Variants in NALF1 observed in about 807,000 individuals in gnomAD.
The protein encoded by NALF1 is family with sequence similarity 155 member A.
Under a neutral mutation model 48.4 loss-of-function variants are expected in NALF1, and 3 were observed. That is an observed-to-expected ratio of 0.06 (90% confidence interval 0.03 to 0.16). The LOEUF (loss-of-function observed/expected upper bound fraction) is 0.16. Ranked by LOEUF, NALF1 falls within the 10% of genes least tolerant of loss-of-function variation. The pLI is 1.00. For synonymous variants in NALF1, 262 were observed against 245.7 expected, an observed-to-expected ratio of 1.07 and a Z score of -0.62; for missense variants, 526 against 571.5, an observed-to-expected ratio of 0.92 and a Z score of 0.81.
At chr13:107,352,553 TCTC>T (rs1221672590) in intron 1 of NALF1, among the ~76,000 whole-genome samples, 1 of 152,088 alleles carries the variant, frequency 6.6e-6, no homozygotes, top group East Asian at 1.9e-4. Flanking sequence ...GGTGCCAACT[TCTC>T]CTTGTGCTCT....
chr13:107,237,135 A>T (rs1880369742), intron 1 of NALF1, among the ~76,000 whole-genome samples: 1 of 151,694 alleles, frequency 6.6e-6, no homozygotes. Flanking sequence ...ATTATGATAA[A>T]CACAGACAAA....
intron 1 of NALF1, among the ~76,000 whole-genome samples, chr13:107,410,338 T>C (rs1883968418): frequency 6.6e-6 from 1 of 152,130 alleles, no homozygotes. Flanking sequence ...GTGTGTCTCC[T>C]TGTCTTCCCT....
At chr13:107,660,495 CAAAA>C (rs71741489) in intron 1 of NALF1, among the ~76,000 whole-genome samples, 28,480 of 139,372 alleles carry the variant, frequency 0.2, 3,027 homozygotes, top group Middle Eastern at 0.39. Flanking sequence ...AACAAAGAAA[CAAAA>C]AAACAAACAA....
chr13:107,574,004 TAAAATCATCTGGG>T (rs1878063636), intron 1 of NALF1, among the ~76,000 whole-genome samples: 1 of 152,134 alleles, frequency 6.6e-6, no homozygotes, highest in Non-Finnish European at 1.5e-5. Flanking sequence ...CTTGCTACAG[TAAAATCATCTGGG>T]ACACAGAATA....
chr13:107,397,787 A>ACTTTT (rs1883736993), intron 1 of NALF1, among the ~76,000 whole-genome samples: 1 of 152,126 alleles, frequency 6.6e-6, no homozygotes, highest in Non-Finnish European at 1.5e-5. Flanking sequence ...TGGTCATTAA[A>ACTTTT]AGGAGGGGAA....
chr13:107,288,772 A>T (rs1332694036), intron 1 of NALF1, among the ~76,000 whole-genome samples: 2 of 151,466 alleles, frequency 1.3e-5, no homozygotes, highest in Non-Finnish European at 2.9e-5. Context: ...ACCTATGGTG[A>T]TCCACTCGCC....
At chr13:107,392,616 T>C (rs1030981574) in intron 1 of NALF1, among the ~76,000 whole-genome samples, 3 of 152,090 alleles carry the variant, frequency 2.0e-5, no homozygotes. Context: ...TTTGTGGTGA[T>C]GGGCAGGTGT....
At chr13:107,200,444 G>A (rs913050438) in intron 2 of NALF1, among the ~76,000 whole-genome samples, 13 of 152,176 alleles carry the variant, frequency 8.5e-5, no homozygotes, top group Admixed American at 5.9e-4. Flanking sequence ...TTAGGACTTC[G>A]AGCGAGGGGC....
At chr13:107,492,182 C>T (rs1458880893) in intron 1 of NALF1, among the ~76,000 whole-genome samples, 1 of 151,706 alleles carries the variant, frequency 6.6e-6, no homozygotes. Flanking sequence ...TTACGAGTAG[C>T]TGGGATTACA....
chr13:107,334,991 G>A (rs780555037), intron 1 of NALF1, among the ~76,000 whole-genome samples: 1 of 152,098 alleles, frequency 6.6e-6, no homozygotes, highest in Non-Finnish European at 1.5e-5. Flanking sequence ...GATTTTGAGA[G>A]TTGCCATCAA....
intron 1 of NALF1, among the ~76,000 whole-genome samples, chr13:107,802,689 A>T (rs1226207396): frequency 1.3e-5 from 2 of 152,258 alleles, no homozygotes; most frequent in Admixed American, 6.5e-5. Context: ...AGTGTGTAAT[A>T]CCCAGCATGA....
intron 1 of NALF1, among the ~76,000 whole-genome samples, chr13:107,423,912 T>G (rs1884235090): frequency 6.6e-6 from 1 of 152,144 alleles, no homozygotes; most frequent in Non-Finnish European, 1.5e-5. Context: ...ATTATTTACT[T>G]GCAAGACATT....
At chr13:107,669,713 A>C (rs369280454) in intron 1 of NALF1, among the ~76,000 whole-genome samples, 10 of 152,074 alleles carry the variant, frequency 6.6e-5, no homozygotes, top group East Asian at 5.8e-4. Flanking sequence ...TCATGTGCTC[A>C]TTGTAGTAAC....
chr13:107,516,219 A>T (rs1416950063), intron 1 of NALF1, among the ~76,000 whole-genome samples: 1 of 152,206 alleles, frequency 6.6e-6, no homozygotes, highest in Non-Finnish European at 1.5e-5. Context: ...GAAAACAAAG[A>T]TGACAATGAG....
intron 1 of NALF1, among the ~76,000 whole-genome samples, chr13:107,269,644 A>C (rs78372634): frequency 0.047 from 7,120 of 152,194 alleles, 495 homozygotes; most frequent in East Asian, 0.39. Context: ...TGTACTCTAC[A>C]CAGGTAATGA....
rs139432743 is a variant in NALF1, at chr13:107,303,258, T to G, written c.916-92503A>C. ...CTTTTTGTTGTTGAGCTGTAGGATT[T>G]CTTTATATATTGTGGATATTAAATC... On this transcript the variant is annotated intron_variant, in intron 1 of 2. Transcript: ENST00000375915. Among the ~76,000 whole-genome samples the G allele has an allele frequency of 1.2e-3, 176 of 152,336 alleles. 2 individuals carry two copies. Among genetic ancestry groups the G allele is most frequent in the African/African-American group, 3.9e-3 (163 of 41,584 alleles).
At chr13:107,799,183 G>A (rs183705847) in intron 1 of NALF1, among the ~76,000 whole-genome samples, 125 of 152,244 alleles carry the variant, frequency 8.2e-4, no homozygotes, top group African/African-American at 2.0e-3. Flanking sequence ...TGAGTGTGGC[G>A]TCAGACATTT....
In NALF1 at chr13:107,471,441, G is replaced by A. The variant is rs147053054; in HGVS notation, c.916-260686C>T. On this transcript the variant is annotated intron_variant, in intron 1 of 2. Coordinates refer to ENST00000375915, the MANE Select transcript of NALF1 (RefSeq NM_001080396.3). ...TCAGGGGATGGTGAAATGAAGTGAA[G>A]GGTAGGCAGGGGCAGCTGGTCAGGA... is the stretch of plus-strand genomic sequence containing the variant. 3.9e-3 allele frequency among the ~76,000 whole-genome samples: 589 copies of A among 152,242 alleles called. 2 individuals carry two copies. The highest frequency in any genetic ancestry group is 5.1e-3 in the Non-Finnish European group (349 of 68,026).
chr13:107,311,537 C>A (rs1882046076), intron 1 of NALF1, among the ~76,000 whole-genome samples: 1 of 150,666 alleles, frequency 6.6e-6, no homozygotes, highest in African/African-American at 2.4e-5. Context: ...TGTATTTAAT[C>A]ATTTATTAAA....
Sources: gnomAD v4.1 joint callset for allele counts (sites outside exome capture counted in the v4.1 genomes callset) on GRCh38, gnomAD v4.1.1 for gene constraint, MANE v1.5 for transcripts, NCBI Gene and HGNC (gene_info 2026-07-23, HGNC 2026-07-21) for gene names.